CFAP299: variants seen among roughly 807,000 people sequenced by gnomAD.
The protein encoded by CFAP299 is cilia and flagella associated protein 299.
A neutral mutation model predicts 27.0 loss-of-function variants in CFAP299; 21 were observed. The ratio of observed to expected loss-of-function variants is 0.78; its 90% CI spans 0.55 to 1.12. The LOEUF is 1.12. Ranked by LOEUF, CFAP299 falls within the 50% of genes most tolerant of loss-of-function variation. The probability of loss-of-function intolerance (pLI) is 0.00; values close to 1 mark genes in which losing one functional copy is unlikely to be tolerated. For synonymous variants in CFAP299, 104 were observed against 98.1 expected, an observed-to-expected ratio of 1.06 and a Z score of -0.36; for missense variants, 310 against 276.6, an observed-to-expected ratio of 1.12 and a Z score of -0.86.
chr4:80,638,177 A>C (rs546647200), intron 3 of CFAP299, among the ~76,000 whole-genome samples: 1 of 152,166 alleles, frequency 6.6e-6, no homozygotes, highest in Non-Finnish European at 1.5e-5. Context: ...GTAGACCAGA[A>C]ACAAGTAACT....
At chr4:80,922,757 C>T (rs1267514523) in intron 4 of CFAP299, among the ~76,000 whole-genome samples, 3 of 151,118 alleles carry the variant, frequency 2.0e-5, no homozygotes, top group Non-Finnish European at 4.4e-5. Flanking sequence ...AAGGTATAAA[C>T]AAGAAAACTG....
rs187671197 is a variant in CFAP299, at chr4:80,772,007, G to A, written c.334-97986G>A. ...AAGGACCACTAGCCATGACTGCCAC[G>A]TGTTTTCTAATTGCAGTCCCAAGCT... On this transcript the variant is annotated intron_variant, in intron 3 of 5. Coordinates refer to ENST00000358105, the MANE Select transcript of CFAP299 (RefSeq NM_152770.3). 1.1e-4 allele frequency among the ~76,000 whole-genome samples: 16 copies of A among 152,258 alleles called. No individual in the cohort carries two copies. The East Asian group carries it at 1.4e-3, about 13-fold the overall frequency.
chr4:80,348,140 A>G (rs909999360), intron 1 of CFAP299, among the ~76,000 whole-genome samples: 5 of 152,220 alleles, frequency 3.3e-5, no homozygotes, highest in Non-Finnish European at 4.4e-5. Context: ...ATATACAAAA[A>G]TTAGCTCAAG....
rs149566326 is a variant in CFAP299, at chr4:80,954,685, G to C, written c.607-8832G>C. Among the ~76,000 whole-genome samples, 42 of 152,026 alleles carry C rather than the reference G, an allele frequency of 2.8e-4. No homozygotes were observed. The East Asian group carries it at 8.1e-3, about 29-fold the overall frequency. ...GGGGATAGGTTCTTAATATGCGGGG[G>C]GGACAACTTATTTTTAAAATCTGTT... On this transcript the variant is annotated intron_variant, in intron 5 of 5. Transcript: ENST00000358105.
intron 2 of CFAP299, among the ~76,000 whole-genome samples, chr4:80,408,890 C>G (rs1246303349): frequency 6.6e-6 from 1 of 151,462 alleles, no homozygotes; most frequent in Non-Finnish European, 1.5e-5. Flanking sequence ...TGAGTTTCTG[C>G]ATTCCTAAGG....
chr4:80,600,362 G>C (rs6535040), intron 3 of CFAP299, among the ~76,000 whole-genome samples: 141,818 of 152,130 alleles, frequency 0.93, 66,162 homozygotes, highest in East Asian at 1. Context: ...AGTTCAGGAT[G>C]TTATATTACA....
In CFAP299 at chr4:80,725,793, C is replaced by T. The variant is rs1196776005; in HGVS notation, c.333+142610C>T. ...TTTAATATGGCATCTGATCCTCGTG[C>T]TTGACTGATACCTGAGTTCCAGAGA... is the stretch of plus-strand genomic sequence containing the variant. On this transcript the variant is annotated intron_variant, in intron 3 of 5. Transcript: ENST00000358105. Among the ~76,000 whole-genome samples, 3 of 152,198 alleles carry T rather than the reference C, an allele frequency of 2.0e-5. No individual in the cohort carries two copies. In the East Asian group the frequency reaches 5.8e-4, roughly 29 times the overall value.
At chr4:80,788,457 T>G (rs904299120) in intron 3 of CFAP299, among the ~76,000 whole-genome samples, 1 of 152,016 alleles carries the variant, frequency 6.6e-6, no homozygotes, top group Non-Finnish European at 1.5e-5. Context: ...TAAAATGTAG[T>G]GTACCCATCA....
At chr4:80,916,290 TATATA>T (rs1560475560) in intron 4 of CFAP299, among the ~76,000 whole-genome samples, 7 of 125,110 alleles carry the variant, frequency 5.6e-5, no homozygotes, top group African/African-American at 1.8e-4. Flanking sequence ...TATATATATA[TATATA>T]TTTCAGGTAC....
At chr4:80,837,673 T>C (rs2110136316) in intron 3 of CFAP299, among the ~76,000 whole-genome samples, 1 of 152,348 alleles carries the variant, frequency 6.6e-6, no homozygotes, top group East Asian at 1.9e-4. Context: ...ATTTTCTTTA[T>C]CCAGTCTATC....
At chr4:80,754,223 T>C (rs1725100773) in intron 3 of CFAP299, among the ~76,000 whole-genome samples, 1 of 152,174 alleles carries the variant, frequency 6.6e-6, no homozygotes, top group East Asian at 1.9e-4. Context: ...ATTTTTGTAG[T>C]ATTACCTTGT....
intron 3 of CFAP299, among the ~76,000 whole-genome samples, chr4:80,586,430 T>C (rs1350022764): frequency 6.6e-6 from 1 of 152,120 alleles, no homozygotes; most frequent in African/African-American, 2.4e-5. Flanking sequence ...AACAGTTGCT[T>C]ATAGATTTTA....
chr4:80,867,070 T>C (rs1014875634), intron 3 of CFAP299, among the ~76,000 whole-genome samples: 2 of 152,198 alleles, frequency 1.3e-5, no homozygotes, highest in Non-Finnish European at 2.9e-5. Flanking sequence ...AGTGAATTCA[T>C]CAAGGTGATC....
intron 3 of CFAP299, among the ~76,000 whole-genome samples, chr4:80,780,823 A>G (rs1726830524): frequency 6.6e-6 from 1 of 151,984 alleles, no homozygotes; most frequent in East Asian, 1.9e-4. Context: ...TTATAGTAGA[A>G]CTAGAATAGG....
chr4:80,898,837 T>G (rs4515152), intron 4 of CFAP299, among the ~76,000 whole-genome samples: 2 of 151,842 alleles, frequency 1.3e-5, no homozygotes, highest in East Asian at 1.9e-4. Context: ...TTCCAGGAAA[T>G]AAAAGGAAGC....
intron 3 of CFAP299, among the ~76,000 whole-genome samples, chr4:80,657,885 G>C (rs546519634): frequency 3.4e-4 from 51 of 152,176 alleles, no homozygotes; most frequent in African/African-American, 1.2e-3. Flanking sequence ...CCATTGGTTT[G>C]TGTCCTCTCA....
chr4:80,566,273 C>T (rs1735279154), intron 2 of CFAP299, among the ~76,000 whole-genome samples: 1 of 152,034 alleles, frequency 6.6e-6, no homozygotes, highest in Non-Finnish European at 1.5e-5. Context: ...ATAAGCCTTT[C>T]TAATAGTATT....
At chr4:80,561,470 T>C (rs2110221782) in intron 2 of CFAP299, among the ~76,000 whole-genome samples, 1 of 152,126 alleles carries the variant, frequency 6.6e-6, no homozygotes, top group East Asian at 1.9e-4. Context: ...ATGAACTAAA[T>C]AAGGTATTGG....
In CFAP299 at chr4:80,949,145, T is replaced by C. The variant is rs183646333; in HGVS notation, c.606+4206T>C. Among the ~76,000 whole-genome samples the C allele has an allele frequency of 3.1e-3, 476 of 152,296 alleles. 6 individuals carry two copies. The highest frequency in any genetic ancestry group is 0.029 in the South Asian group (139 of 4,828). ...TATGAACAGACTTCAACAGATTAAA[T>C]GACTCACTGACAGTCAACAGTTAAT... On this transcript the variant is annotated intron_variant, in intron 5 of 5. Coordinates refer to ENST00000358105, the MANE Select transcript of CFAP299 (RefSeq NM_152770.3).
Sources: allele counts gnomAD v4.1 joint callset (sites outside exome capture counted in the v4.1 genomes callset), GRCh38; gene constraint gnomAD v4.1.1; transcripts MANE v1.5; gene names NCBI Gene and HGNC (gene_info 2026-07-23, HGNC 2026-07-21).